Variants in PCDHB6 observed in about 807,000 individuals in gnomAD.
PCDHB6 encodes protocadherin beta-6.
For synonymous variants in PCDHB6, 506 were observed against 459.0 expected, an observed-to-expected ratio of 1.10 and a Z score of -1.31; for missense variants, 1,137 against 1,010.1, an observed-to-expected ratio of 1.13 and a Z score of -1.70.
chr5:141,151,269 G>T lies in PCDHB6; in HGVS notation c.1012G>T (p.Val338Leu). The change falls in exon 1 of 1, where the codon GTG becomes TTG. Residue 338 changes from valine (V) to leucine (L), a missense_variant. By Grantham distance (32) the Val-to-Leu change is conservative. Coordinates refer to ENST00000231136, the MANE Select transcript of PCDHB6 (RefSeq NM_018939.4). ...KCSLVVRVLD[V>L]NDNAPELTMS... ...CTCTTTAGTCGTCAGGGTCCTGGAC[G>T]TGAATGACAATGCCCCTGAACTCAC... The T allele has an allele frequency of 6.2e-7, 1 of 1,614,154 alleles. No homozygotes were observed. Among genetic ancestry groups the T allele is most frequent in the Non-Finnish European group, 8.5e-7 (1 of 1,180,034 alleles).
In PCDHB6 at chr5:141,152,225, G is replaced by A. The variant is rs1297693839; in HGVS notation, c.1968G>A (p.Leu656=). Reference sequence around the variant, plus strand: ...CTCCGCGCTCGGCCACCGCCACGCTGCACGTGCTCCTGGTGGACGGCTTCT... The same window carrying A: ...CTCCGCGCTCGGCCACCGCCACGCTACACGTGCTCCTGGTGGACGGCTTCT... ...GEPPRSATAT[L]HVLLVDGFSQ... The change falls in exon 1 of 1, where the codon CTG becomes CTA. Residue 656 remains leucine (L), a synonymous_variant. Transcript: ENST00000231136. The A allele has an allele frequency of 1.2e-6, 2 of 1,607,076 alleles. No individual in the cohort carries two copies. The highest frequency in any genetic ancestry group is 4.5e-5 in the East Asian group (2 of 44,888).
At position 141,151,499 on chromosome 5, in the gene PCDHB6, G is replaced by C; in HGVS notation, c.1242G>C (p.Glu414Asp). ...EGALDRESRA[E>D]YNITITVTDL... ...CGCTGGACAGAGAGAGCAGAGCCGAGTACAACATCACTATCACGGTCACTG... is the reference window on the plus strand; with the variant it reads ...CGCTGGACAGAGAGAGCAGAGCCGACTACAACATCACTATCACGGTCACTG... The change falls in exon 1 of 1, where the codon GAG becomes GAC. Residue 414 changes from glutamate (E) to aspartate (D), a missense_variant. By Grantham distance (45) the Glu-to-Asp change is conservative. Transcript: ENST00000231136. 6.2e-7 allele frequency: 1 copy of C among 1,614,176 alleles called. No homozygotes were observed. Among genetic ancestry groups the C allele is most frequent in the Non-Finnish European group, 8.5e-7 (1 of 1,180,034 alleles).
In PCDHB6 at chr5:141,150,630, A is replaced by G. The variant is rs782293726; in HGVS notation, c.373A>G (p.Ile125Val). 7 of 1,614,206 alleles carry G rather than the reference A, an allele frequency of 4.3e-6. No individual in the cohort carries two copies. The South Asian group carries it at 6.6e-5, about 15-fold the overall frequency. The change falls in exon 1 of 1, where the codon ATA (isoleucine) becomes GTA (valine). Residue 125 changes from isoleucine (I) to valine (V), a missense_variant. Transcript: ENST00000231136. ...FFQASLRVRD[I>V]NDHAPEFPAR... ...TCAGGCTTCCTTGCGAGTCAGAGAT[A>G]TAAATGACCACGCCCCGGAATTCCC... is the stretch of plus-strand genomic sequence containing the variant.
In PCDHB6 at chr5:141,150,197, C is replaced by G. The variant is rs4151694; in HGVS notation, c.-61C>G. The G allele has an allele frequency of 0.24, 307,765 of 1,293,782 alleles. 41,300 individuals carry two copies. The highest frequency in any genetic ancestry group is 0.53 in the East Asian group (22,945 of 43,084). The allele number at this position is 1,293,782 out of a possible 1,614,324, so 80.1% of individuals were successfully genotyped here. On this transcript the variant is annotated 5_prime_UTR_variant, in exon 1 of 1. Coordinates refer to ENST00000231136, the MANE Select transcript of PCDHB6 (RefSeq NM_018939.4). Reference sequence around the variant, plus strand: ...CTGCAAAGACATCCGAGAGGGTCGACGGTAGATGTGGTGATTGGGAGCTGA... The same window carrying G: ...CTGCAAAGACATCCGAGAGGGTCGAGGGTAGATGTGGTGATTGGGAGCTGA...
chr5:141,150,990 C>T lies in PCDHB6; in HGVS notation c.733C>T (p.Leu245Phe). The change falls in exon 1 of 1, where the codon CTC becomes TTC. Residue 245 changes from leucine (L) to phenylalanine (F), a missense_variant. Physicochemically the swap from Leu to Phe is conservative, Grantham distance 22. Transcript: ENST00000231136. The stretch of plus-strand genomic sequence containing the variant: ...CAACGTCCCCGAGTTTGCTCAGGAG[C>T]TCTATGAAGCACAAGTCCCTGAGAA... The part of the protein sequence containing the change: ...NDNVPEFAQE[L>F]YEAQVPENNP... 1 of 1,614,118 alleles carries T rather than the reference C, an allele frequency of 6.2e-7. No individual in the cohort carries two copies. The highest frequency in any genetic ancestry group is 8.5e-7 in the Non-Finnish European group (1 of 1,180,022).
rs564787701 is a variant in PCDHB6 at position 141,152,033 on chromosome 5, C to T, written c.1776C>T (p.Gly592=). Residue 592 remains glycine, a synonymous_variant, in exon 1 of 1, where the codon GGC becomes GGT. Coordinates refer to ENST00000231136, the MANE Select transcript of PCDHB6 (RefSeq NM_018939.4). ...TGACCAAGGTGGTGGCGGTGGACGG[C>T]GACTCGGGCCAGAACGCCTGGCTGT... The part of the protein sequence containing the change: ...YLVTKVVAVD[G]DSGQNAWLSY... 3.3e-3 allele frequency: 5,311 copies of T among 1,606,500 alleles called. 14 individuals are homozygous for T. The highest frequency in any genetic ancestry group is 4.1e-3 in the Non-Finnish European group (4,784 of 1,179,304).
rs781897428 is a variant in PCDHB6 at position 141,151,801 on chromosome 5, G to A, written c.1544G>A (p.Arg515Lys). ...NADNGHLFAL[R>K]SLDYEALQSF... ...GACAACGGCCACCTGTTTGCCCTCA[G>A]GTCGCTGGACTACGAGGCCCTGCAG... The change falls in exon 1 of 1, where the codon AGG becomes AAG. Residue 515 changes from arginine (R) to lysine (K), a missense_variant. Coordinates refer to ENST00000231136, the MANE Select transcript of PCDHB6 (RefSeq NM_018939.4). 1 of 1,613,048 alleles carries A rather than the reference G, an allele frequency of 6.2e-7. No individual in the cohort carries two copies.
rs1213770800 is a variant in PCDHB6, at chr5:141,152,203, C to A, written c.1946C>A (p.Pro649Gln). The A allele has an allele frequency of 6.2e-7, 1 of 1,606,924 alleles. No homozygotes were observed. The highest frequency in any genetic ancestry group is 8.5e-7 in the Non-Finnish European group (1 of 1,179,722). ...CTTGTCAAGGACAATGGCGAGCCTC[C>A]GCGCTCGGCCACCGCCACGCTGCAC... ...VVLVKDNGEP[P>Q]RSATATLHVL... is the part of the protein sequence containing the mutation. Residue 649 changes from proline to glutamine, a missense_variant, in exon 1 of 1, where the codon CCG (proline) becomes CAG (glutamine). Transcript: ENST00000231136.
Position 141,150,788 on chromosome 5 carries a change from C to A in PCDHB6, c.531C>A (p.Phe177Leu), listed in dbSNP as rs1554277511. The A allele has an allele frequency of 6.2e-7, 1 of 1,614,230 alleles. No homozygotes were observed. Among genetic ancestry groups the A allele is most frequent in the Admixed American group, 1.7e-5 (1 of 60,022 alleles). Residue 177 changes from phenylalanine to leucine, a missense_variant, in exon 1 of 1, where the codon TTC becomes TTA. By Grantham distance (22) the Phe-to-Leu change is conservative. Transcript: ENST00000231136. Reference protein sequence around the residue: ...QRYTISSNPHFHVLTRNRSEG... With the variant: ...QRYTISSNPHLHVLTRNRSEG... ...ACACAATCAGCTCCAACCCTCACTTCCACGTTCTCACCCGCAATCGCAGCG... is the reference window on the plus strand; with the variant it reads ...ACACAATCAGCTCCAACCCTCACTTACACGTTCTCACCCGCAATCGCAGCG...
rs1752932698 is a variant in PCDHB6 at position 141,153,237 on chromosome 5, A to G, written c.*595A>G. On this transcript the variant is annotated 3_prime_UTR_variant, in exon 1 of 1. Transcript: ENST00000231136. ...AACATGATGGTCTTTTTTTAAAAAA[A>G]AAGTCGTGCCAATTATAAGTGCTTA... 1 of 166,186 alleles carries G rather than the reference A, an allele frequency of 6.0e-6. No homozygotes were observed. Among genetic ancestry groups the G allele is most frequent in the Admixed American group, 6.5e-5 (1 of 15,276 alleles). 10.3% of individuals were successfully genotyped at this position (166,186 alleles called of 1,614,324 possible). A position where few individuals can be genotyped will look rare whatever the true frequency, so the allele number is the denominator to read the frequency against.
rs1554277686 is a variant in PCDHB6, at chr5:141,151,409, G to A, written c.1152G>A (p.Glu384=). ...ACCAACAGGTTATTTGTTCAATAGA[G>A]AACAATCTCCCCTTTCTACTAAGAC... ...GHNQQVICSI[E]NNLPFLLRPS... Residue 384 remains glutamate, a synonymous_variant, in exon 1 of 1, where the codon GAG becomes GAA. Coordinates refer to ENST00000231136, the MANE Select transcript of PCDHB6 (RefSeq NM_018939.4). 2 of 1,614,140 alleles carry A rather than the reference G, an allele frequency of 1.2e-6. No individual in the cohort carries two copies. The highest frequency in any genetic ancestry group is 2.2e-5 in the East Asian group (1 of 44,870).
Position 141,151,147 on chromosome 5 carries a change from G to C in PCDHB6, c.890G>C (p.Gly297Ala). The C allele has an allele frequency of 6.2e-7, 1 of 1,614,210 alleles. No individual in the cohort carries two copies. Reference sequence around the variant, plus strand: ...CCCTTCGAAATAAACGCAATCACAGGAGAAATTCGGCTGAGAAAGGCTTTG... The same window carrying C: ...CCCTTCGAAATAAACGCAATCACAGCAGAAATTCGGCTGAGAAAGGCTTTG... ...NQPFEINAITGEIRLRKALDF... is the reference protein window; with the variant it reads ...NQPFEINAITAEIRLRKALDF... The change falls in exon 1 of 1, where the codon GGA (glycine) becomes GCA (alanine). Residue 297 changes from glycine (G) to alanine (A), a missense_variant. Physicochemically the swap from Gly to Ala is moderately conservative, Grantham distance 60. Transcript: ENST00000231136.
chr5:141,151,547 A>C lies in PCDHB6; in HGVS notation c.1290A>C (p.Lys430Asn). 1 of 1,614,156 alleles carries C rather than the reference A, an allele frequency of 6.2e-7. No individual in the cohort carries two copies. The highest frequency in any genetic ancestry group is 8.5e-7 in the Non-Finnish European group (1 of 1,180,030). The change falls in exon 1 of 1, where the codon AAA becomes AAC. Residue 430 changes from lysine to asparagine, a missense_variant. By Grantham distance (94) the Lys-to-Asn change is moderately conservative. Coordinates refer to ENST00000231136, the MANE Select transcript of PCDHB6 (RefSeq NM_018939.4). ...CTGATTTGGGGACACCAAGGCTGAA[A>C]ACCCAGCAGAGCATAACTGTGCAGG... The part of the protein sequence containing the change: ...TVTDLGTPRL[K>N]TQQSITVQVS...
In PCDHB6 at chr5:141,150,708, T is replaced by C. The variant is rs1554277498; in HGVS notation, c.451T>C (p.Phe151Leu). The change falls in exon 1 of 1, where the codon TTT (phenylalanine) becomes CTT (leucine). Residue 151 changes from phenylalanine (F) to leucine (L), a missense_variant. Transcript: ENST00000231136. The stretch of plus-strand genomic sequence containing the variant: ...AGAAATTACTATGCCAGGAAAGATA[T>C]TTCCTTTGAAAATGGCACACGATTT... ...ISEITMPGKI[F>L]PLKMAHDLDT... is the part of the protein sequence containing the mutation. The C allele has an allele frequency of 6.2e-7, 1 of 1,614,224 alleles. No individual in the cohort carries two copies. The highest frequency in any genetic ancestry group is 8.5e-7 in the Non-Finnish European group (1 of 1,180,048).
At position 141,150,557 on chromosome 5, in the gene PCDHB6, G is replaced by A. The variant is rs781947621; in HGVS notation, c.300G>A (p.Pro100=). ...DREELCGSTE[P]CVLPFQVLLE... is the part of the protein sequence containing the mutation. ...AGGAGCTGTGTGGCTCCACTGAGCCGTGTGTGCTACCTTTCCAAGTGTTAC... is the reference window on the plus strand; with the variant it reads ...AGGAGCTGTGTGGCTCCACTGAGCCATGTGTGCTACCTTTCCAAGTGTTAC... The change falls in exon 1 of 1, where the codon CCG becomes CCA. Residue 100 remains proline (P), a synonymous_variant. Coordinates refer to ENST00000231136, the MANE Select transcript of PCDHB6 (RefSeq NM_018939.4). 6.8e-6 allele frequency: 11 copies of A among 1,614,124 alleles called. 1 individual carries two copies. The highest frequency in any genetic ancestry group is 5.5e-5 in the South Asian group (5 of 91,082).
rs782583638 is a variant in PCDHB6, at chr5:141,151,254, G to C, written c.997G>C (p.Val333Leu). 12 of 1,614,012 alleles carry C rather than the reference G, an allele frequency of 7.4e-6. No individual in the cohort carries two copies. The highest frequency in any genetic ancestry group is 1.3e-5 in the African/African-American group (1 of 74,894). Reference sequence around the variant, plus strand: ...CCTATCAGGAAAATGCTCTTTAGTCGTCAGGGTCCTGGACGTGAATGACAA... The same window carrying C: ...CCTATCAGGAAAATGCTCTTTAGTCCTCAGGGTCCTGGACGTGAATGACAA... ...GGLSGKCSLVVRVLDVNDNAP... is the reference protein window; with the variant it reads ...GGLSGKCSLVLRVLDVNDNAP... The change falls in exon 1 of 1, where the codon GTC (valine) becomes CTC (leucine). Residue 333 changes from valine (V) to leucine (L), a missense_variant. Physicochemically the swap from Val to Leu is conservative, Grantham distance 32. Coordinates refer to ENST00000231136, the MANE Select transcript of PCDHB6 (RefSeq NM_018939.4).
chr5:141,151,203 G>T lies in PCDHB6; in HGVS notation c.946G>T (p.Asp316Tyr), dbSNP rs781991511. The change falls in exon 1 of 1, where the codon GAT becomes TAT. Residue 316 changes from aspartate (D) to tyrosine (Y), a missense_variant. By Grantham distance (160) the Asp-to-Tyr change is radical. Coordinates refer to ENST00000231136, the MANE Select transcript of PCDHB6 (RefSeq NM_018939.4). ...TGAGGAAATTCAGTCTTATGACGTG[G>T]ATGTTGAGGCTACAGATGGTGGAGG... Reference protein sequence around the residue: ...DFEEIQSYDVDVEATDGGGLS... With the variant: ...DFEEIQSYDVYVEATDGGGLS... 4 of 1,614,050 alleles carry T rather than the reference G, an allele frequency of 2.5e-6. No homozygotes were observed. The African/African-American group carries it at 5.3e-5, about 22-fold the overall frequency.
chr5:141,150,907 G>A lies in PCDHB6; in HGVS notation c.650G>A (p.Gly217Glu). ...LRLTLIALDG[G>E]SPPRSGTSEI... ...CTAACGCTGATCGCGCTGGATGGCG[G>A]GTCTCCGCCCCGGTCAGGGACCTCC... The change falls in exon 1 of 1, where the codon GGG becomes GAG. Residue 217 changes from glycine (G) to glutamate (E), a missense_variant. Gly to Glu is a moderately conservative substitution (Grantham distance 98). Coordinates refer to ENST00000231136, the MANE Select transcript of PCDHB6 (RefSeq NM_018939.4). 1.2e-6 allele frequency: 2 copies of A among 1,614,130 alleles called. No individual in the cohort carries two copies. Among genetic ancestry groups the A allele is most frequent in the Non-Finnish European group, 1.7e-6 (2 of 1,180,024 alleles).
Position 141,150,647 on chromosome 5 carries a change from G to T in PCDHB6, c.390G>T (p.Pro130=). 1 of 1,614,122 alleles carries T rather than the reference G, an allele frequency of 6.2e-7. No homozygotes were observed. The highest frequency in any genetic ancestry group is 1.1e-5 in the South Asian group (1 of 91,076). ...LRVRDINDHA[P]EFPAREMLLK... The stretch of plus-strand genomic sequence containing the variant: ...TCAGAGATATAAATGACCACGCCCC[G>T]GAATTCCCTGCCAGAGAAATGCTCC... Residue 130 remains proline (P), a synonymous_variant, in exon 1 of 1, where the codon CCG becomes CCT. Transcript: ENST00000231136.
Sources: allele counts gnomAD v4.1 joint callset, GRCh38; gene constraint gnomAD v4.1.1; transcripts MANE v1.5; gene names NCBI Gene and HGNC (gene_info 2026-07-23, HGNC 2026-07-21).